ALDH1A2: variants seen among roughly 807,000 people sequenced by gnomAD.
The protein encoded by ALDH1A2 is retinal dehydrogenase 2.
Under a neutral mutation model 60.3 loss-of-function variants are expected in ALDH1A2, and 27 were observed. The observed-to-expected ratio is 0.45, with a 90% CI of 0.33 to 0.62. The LOEUF is 0.62. Ranked by LOEUF, ALDH1A2 falls within the 20% of genes least tolerant of loss-of-function variation. The pLI, the probability that ALDH1A2 is intolerant of heterozygous loss-of-function variation, is 0.02. For missense variants in ALDH1A2, 581 were observed against 643.8 expected, an observed-to-expected ratio of 0.90 and a Z score of 1.06; for synonymous variants, 289 against 232.4, an observed-to-expected ratio of 1.24 and a Z score of -2.21.
chr15:58,026,820 G>A (rs964926599), intron 1 of ALDH1A2, among the ~76,000 whole-genome samples: 1 of 152,206 alleles, frequency 6.6e-6, no homozygotes, highest in East Asian at 1.9e-4. Context: ...CGGAGGAGGG[G>A]TGTCTGCCAT....
chr15:57,992,120 A>G (rs1407031213), intron 7 of ALDH1A2, among the ~76,000 whole-genome samples: 2 of 152,212 alleles, frequency 1.3e-5, no homozygotes, highest in African/African-American at 4.8e-5. Flanking sequence ...CCATGTCTAT[A>G]AATAAACTTT....
At chr15:57,964,428 A>G (rs1473395693) in intron 8 of ALDH1A2, 2 of 207,256 alleles carry the variant, frequency 9.6e-6, no homozygotes, top group Non-Finnish European at 2.0e-5. Flanking sequence ...AAGCCACTAC[A>G]TTTAATCATT....
intron 1 of ALDH1A2, among the ~76,000 whole-genome samples, chr15:58,042,567 T>C (rs1896545721): frequency 6.6e-6 from 1 of 151,972 alleles, no homozygotes; most frequent in African/African-American, 2.4e-5. Context: ...GAGTCAAGTT[T>C]CTTGAAATCC....
chr15:58,006,908 A>C (rs772207663), intron 4 of ALDH1A2, among the ~76,000 whole-genome samples: 1 of 149,658 alleles, frequency 6.7e-6, no homozygotes, highest in Non-Finnish European at 1.5e-5. Flanking sequence ...TTAGTGCCAC[A>C]TTTTTCATAT....
intron 7 of ALDH1A2, among the ~76,000 whole-genome samples, chr15:57,986,524 T>TA: frequency 8.8e-6 from 1 of 114,074 alleles, no homozygotes; most frequent in Non-Finnish European, 1.7e-5. Context: ...AGTTCAGCAA[T>TA]ATAATGGTCA....
intron 1 of ALDH1A2, among the ~76,000 whole-genome samples, chr15:58,043,874 T>C (rs763816764): frequency 2.6e-5 from 4 of 151,994 alleles, no homozygotes; most frequent in Non-Finnish European, 5.9e-5. Flanking sequence ...GAGGCTCCTT[T>C]GGTTAGGAAG....
intron 9 of ALDH1A2, among the ~76,000 whole-genome samples, chr15:57,963,176 C>G (rs533009193): frequency 6.6e-6 from 1 of 152,172 alleles, no homozygotes; most frequent in South Asian, 2.1e-4. Flanking sequence ...ATAGATGGCT[C>G]TAGGAAAGAA....
At position 58,041,374 on chromosome 15, in the gene ALDH1A2, G is replaced by A. The variant is rs181505003; in HGVS notation, c.117+24160C>T. ...TGTGTTACATGCGCCATAAAATGAG[G>A]AGCATGATAACTTAAAATCTGTGGA... On this transcript the variant is annotated intron_variant, in intron 1 of 12. Coordinates refer to ENST00000249750, the MANE Select transcript of ALDH1A2 (RefSeq NM_003888.4). 1.3e-3 allele frequency among the ~76,000 whole-genome samples: 198 copies of A among 152,020 alleles called. 2 individuals carry two copies. Among genetic ancestry groups the A allele is most frequent in the Non-Finnish European group, 2.5e-3 (167 of 67,912 alleles).
At chr15:58,059,084 T>G (rs1053971617) in intron 1 of ALDH1A2, among the ~76,000 whole-genome samples, 3 of 152,342 alleles carry the variant, frequency 2.0e-5, no homozygotes, top group Non-Finnish European at 2.9e-5. Flanking sequence ...GAAAACAATT[T>G]AAACATAACT....
Position 57,965,728 on chromosome 15 carries a change from C to T in ALDH1A2, c.898G>A (p.Asp300Asn). ...ATGGGACCTGTAGTTGACTTACAGT[C>T]AGCATCAGCAAAAATAATATTAGGA... ...KSPNIIFADA[D>N]LDYAVEQAHQ... Residue 300 changes from aspartate (D) to asparagine (N), a missense_variant, in exon 8 of 13, where the codon GAC becomes AAC. Physicochemically the swap from Asp to Asn is conservative, Grantham distance 23. Coordinates refer to ENST00000249750, the MANE Select transcript of ALDH1A2 (RefSeq NM_003888.4). The T allele has an allele frequency of 2.5e-6, 4 of 1,612,472 alleles. No homozygotes were observed. The highest frequency in any genetic ancestry group is 3.4e-6 in the Non-Finnish European group (4 of 1,178,478).
At chr15:58,004,312 GCT>G (rs1440600738) in intron 4 of ALDH1A2, among the ~76,000 whole-genome samples, 1 of 151,852 alleles carries the variant, frequency 6.6e-6, no homozygotes, top group East Asian at 1.9e-4. Flanking sequence ...TAGTCAAAGT[GCT>G]CTTTCTAAAA....
At chr15:58,063,894 G>A (rs1174801372) in intron 1 of ALDH1A2, among the ~76,000 whole-genome samples, 4 of 152,178 alleles carry the variant, frequency 2.6e-5, no homozygotes, top group Admixed American at 2.0e-4. Context: ...CTATAAATCA[G>A]TTGTCTTTCC....
intron 7 of ALDH1A2, chr15:57,979,940 C>T: frequency 2.8e-6 from 1 of 354,008 alleles, no homozygotes; most frequent in Non-Finnish European, 5.9e-6. Context: ...TTGTCGGTTC[C>T]CAGCTTGGTG....
chr15:58,007,488 C>G (rs539867134), intron 4 of ALDH1A2, among the ~76,000 whole-genome samples: 1 of 151,986 alleles, frequency 6.6e-6, no homozygotes, highest in Non-Finnish European at 1.5e-5. Flanking sequence ...TTGAATCTCA[C>G]GTCTCCCACT....
At chr15:58,026,316 T>C (rs1199955980) in intron 1 of ALDH1A2, among the ~76,000 whole-genome samples, 4 of 152,130 alleles carry the variant, frequency 2.6e-5, no homozygotes, top group Non-Finnish European at 5.9e-5. Context: ...ATCTACAGAA[T>C]GAAGGACCAA....
chr15:57,956,050 C>A (rs1445413991), intron 12 of ALDH1A2, among the ~76,000 whole-genome samples: 5 of 152,180 alleles, frequency 3.3e-5, no homozygotes, highest in African/African-American at 1.2e-4. Context: ...CCTCAACCAC[C>A]ACACTTATCA....
chr15:57,991,965 G>T (rs954293137), intron 7 of ALDH1A2, among the ~76,000 whole-genome samples: 1 of 152,158 alleles, frequency 6.6e-6, no homozygotes, highest in Admixed American at 6.5e-5. Context: ...ACAGGGATCT[G>T]TAAACTATGG....
At chr15:58,065,162 C>G (rs1232222833) in intron 1 of ALDH1A2, 3 of 294,592 alleles carry the variant, frequency 1.0e-5, no homozygotes, top group East Asian at 1.2e-4. Flanking sequence ...GGCTGCGTGG[C>G]CAAGCTGACG....
intron 7 of ALDH1A2, among the ~76,000 whole-genome samples, chr15:57,976,686 C>G (rs1894270084): frequency 6.6e-6 from 1 of 152,124 alleles, no homozygotes; most frequent in South Asian, 2.1e-4. Context: ...TGGGTTGGTT[C>G]CAAGTCCTTG....
Sources: gnomAD v4.1 joint callset for allele counts (sites outside exome capture counted in the v4.1 genomes callset) on GRCh38, gnomAD v4.1.1 for gene constraint, MANE v1.5 for transcripts, NCBI Gene and HGNC (gene_info 2026-07-23, HGNC 2026-07-21) for gene names.